Variants in ERBB4 observed in about 807,000 individuals in gnomAD.
The protein encoded by ERBB4 is erb-b2 receptor tyrosine kinase 4.
Under a neutral mutation model 158.0 loss-of-function variants are expected in ERBB4, and 42 were observed. The ratio of observed to expected loss-of-function variants is 0.27; its 90% confidence interval spans 0.21 to 0.34. The LOEUF (loss-of-function observed/expected upper bound fraction) is 0.34. ERBB4 is among the 10% of genes least tolerant of loss of function. ERBB4 has a pLI of 1.00. For missense variants in ERBB4, 1,333 were observed against 1,624.1 expected, an observed-to-expected ratio of 0.82 and a Z score of 3.08; for synonymous variants, 583 against 558.7, an observed-to-expected ratio of 1.04 and a Z score of -0.61.
rs569704776 is a variant in ERBB4 at position 211,726,434 on chromosome 2, T to C, written c.623-1240A>G. On this transcript the variant is annotated intron_variant, in intron 5 of 27. Transcript: ENST00000342788. ...GGTGTACAAAACAGAACATAACTCT[T>C]CTTCCCACACCCACTACTGAGTGTA... Among the ~76,000 whole-genome samples the C allele has an allele frequency of 2.6e-5, 4 of 152,278 alleles. No individual in the cohort carries two copies. In the South Asian group the frequency reaches 8.3e-4, roughly 32 times the overall value.
intron 1 of ERBB4, among the ~76,000 whole-genome samples, chr2:212,315,252 G>A (rs1268812276): frequency 1.3e-5 from 2 of 151,222 alleles, no homozygotes; most frequent in Non-Finnish European, 3.0e-5. Context: ...ATGACAATGA[G>A]CAAGTAACAC....
At chr2:212,518,885 T>C (rs1252259614) in intron 1 of ERBB4, among the ~76,000 whole-genome samples, 2 of 151,958 alleles carry the variant, frequency 1.3e-5, no homozygotes, top group African/African-American at 4.8e-5. Flanking sequence ...GGGACCTGAA[T>C]AGTTGCATGT....
chr2:212,455,197 T>C (rs1177230850), intron 1 of ERBB4, among the ~76,000 whole-genome samples: 2 of 125,040 alleles, frequency 1.6e-5, no homozygotes, highest in African/African-American at 5.1e-5. Context: ...TATTTTCTCA[T>C]TTTTCTCCCA....
chr2:211,481,900 A>T (rs2065092195), intron 20 of ERBB4, among the ~76,000 whole-genome samples: 1 of 152,216 alleles, frequency 6.6e-6, no homozygotes, highest in Non-Finnish European at 1.5e-5. Context: ...GAATATATCA[A>T]ACAGTAGTAC....
intron 2 of ERBB4, among the ~76,000 whole-genome samples, chr2:212,120,898 A>C (rs1389877570): frequency 6.6e-6 from 1 of 152,218 alleles, no homozygotes; most frequent in Non-Finnish European, 1.5e-5. Context: ...CTTATAGGAA[A>C]TAATGGTAAA....
At chr2:212,430,839 G>C (rs1223774195) in intron 1 of ERBB4, among the ~76,000 whole-genome samples, 2 of 151,962 alleles carry the variant, frequency 1.3e-5, no homozygotes, top group African/African-American at 4.8e-5. Flanking sequence ...TGGGGGATGG[G>C]GGAAGCAAGA....
intron 16 of ERBB4, among the ~76,000 whole-genome samples, chr2:211,646,244 C>T (rs2070778649): frequency 6.6e-6 from 1 of 151,258 alleles, no homozygotes; most frequent in Non-Finnish European, 1.5e-5. Flanking sequence ...CTATTTAATA[C>T]TCTAAGCATG....
chr2:211,702,650 C>A (rs563079162), intron 11 of ERBB4, among the ~76,000 whole-genome samples: 1 of 151,994 alleles, frequency 6.6e-6, no homozygotes, highest in Admixed American at 6.5e-5. Flanking sequence ...CCTCAGACAC[C>A]AAAGAACTGT....
At chr2:211,629,749 T>C (rs1401983071) in intron 17 of ERBB4, among the ~76,000 whole-genome samples, 1 of 151,908 alleles carries the variant, frequency 6.6e-6, no homozygotes, top group African/African-American at 2.4e-5. Flanking sequence ...GCCGCCTATC[T>C]ACAACTATTT....
chr2:211,721,775 C>G (rs2074102519), intron 7 of ERBB4, among the ~76,000 whole-genome samples: 1 of 151,968 alleles, frequency 6.6e-6, no homozygotes, highest in African/African-American at 2.4e-5. Context: ...CATTACACAG[C>G]TTGCTGCCAC....
Position 211,784,063 on chromosome 2 carries a change from C to T in ERBB4, c.556+3962G>A, listed in dbSNP as rs930041696. Among the ~76,000 whole-genome samples, 15 of 152,000 alleles carry T rather than the reference C, an allele frequency of 9.9e-5. 1 individual carries two copies. The highest frequency in any genetic ancestry group is 3.2e-3 in the Middle Eastern group (1 of 316). ...TTTCAGAGCCTGTTATTGGTCTATT[C>T]GGGGATTCAACTTCTTCCTGATTTA... On this transcript the variant is annotated intron_variant, in intron 4 of 27. Coordinates refer to ENST00000342788, the MANE Select transcript of ERBB4 (RefSeq NM_005235.3).
intron 1 of ERBB4, among the ~76,000 whole-genome samples, chr2:212,266,122 G>A (rs1314096994): frequency 6.6e-6 from 1 of 151,024 alleles, no homozygotes; most frequent in Non-Finnish European, 1.5e-5. Flanking sequence ...CTCCTATTCT[G>A]TGTCTCCTTC....
At chr2:212,206,679 C>T (rs1167080412) in intron 1 of ERBB4, among the ~76,000 whole-genome samples, 4 of 150,154 alleles carry the variant, frequency 2.7e-5, no homozygotes, top group Admixed American at 6.6e-5. Context: ...CTCCGCCTCC[C>T]GGGTTCACGC....
At chr2:212,041,230 G>A (rs1045642217) in intron 2 of ERBB4, among the ~76,000 whole-genome samples, 4 of 152,086 alleles carry the variant, frequency 2.6e-5, no homozygotes, top group African/African-American at 9.7e-5. Flanking sequence ...CGGTAAACGG[G>A]TTACAAAATT....
chr2:211,722,937 C>T (rs2074150779), intron 6 of ERBB4, among the ~76,000 whole-genome samples: 1 of 152,144 alleles, frequency 6.6e-6, no homozygotes, highest in South Asian at 2.1e-4. Flanking sequence ...GTTCCATATC[C>T]CAAATGACAT....
chr2:212,144,976 G>A (rs949117323), intron 1 of ERBB4, among the ~76,000 whole-genome samples: 4 of 152,008 alleles, frequency 2.6e-5, no homozygotes, highest in Admixed American at 6.6e-5. Flanking sequence ...TCTCACATTC[G>A]TAAACCACTT....
intron 1 of ERBB4, among the ~76,000 whole-genome samples, chr2:212,273,005 T>C (rs2085398832): frequency 6.6e-6 from 1 of 151,692 alleles, no homozygotes; most frequent in African/African-American, 2.4e-5. Flanking sequence ...CATATTTCTA[T>C]AAGGGTACAC....
intron 20 of ERBB4, among the ~76,000 whole-genome samples, chr2:211,483,703 C>T (rs1028029292): frequency 6.6e-6 from 1 of 152,052 alleles, no homozygotes; most frequent in Non-Finnish European, 1.5e-5. Flanking sequence ...AGGTGTCCAC[C>T]ATCATACTTG....
At chr2:211,591,425 A>G (rs1192360747) in intron 19 of ERBB4, among the ~76,000 whole-genome samples, 1 of 152,140 alleles carries the variant, frequency 6.6e-6, no homozygotes, top group East Asian at 1.9e-4. Context: ...TTGAAGCTAG[A>G]TTTCAACATG....
Sources: gnomAD v4.1 joint callset for allele counts (sites outside exome capture counted in the v4.1 genomes callset) on GRCh38, gnomAD v4.1.1 for gene constraint, MANE v1.5 for transcripts, NCBI Gene and HGNC (gene_info 2026-07-23, HGNC 2026-07-21) for gene names.